Variants in EVA1C observed in about 807,000 individuals in gnomAD.
The protein encoded by EVA1C is eva-1 homolog C.
A neutral mutation model predicts 45.4 loss-of-function variants in EVA1C; 25 were observed. The observed-to-expected ratio is 0.55, with a 90% CI of 0.40 to 0.77. EVA1C has a LOEUF of 0.77. EVA1C is among the 30% of genes least tolerant of loss of function. The pLI is 0.00. For synonymous variants in EVA1C, 190 were observed against 221.2 expected (o/e 0.86, Z 1.25); for missense variants, 479 against 554.8 (o/e 0.86, Z 1.37).
intron 4 of EVA1C, among the ~76,000 whole-genome samples, chr21:32,477,731 C>G (rs1373804027): frequency 1.2e-5 from 1 of 81,088 alleles, no homozygotes; most frequent in East Asian, 4.3e-4. Flanking sequence ...CTCCCCCGTA[C>G]GCCCTCCCCT....
At chr21:32,500,359 C>T (rs2146427831) in intron 5 of EVA1C, among the ~76,000 whole-genome samples, 1 of 152,022 alleles carries the variant, frequency 6.6e-6, no homozygotes, top group East Asian at 1.9e-4. Context: ...CCATGTTGGC[C>T]AGCCTGATCT....
chr21:32,459,758 T>C (rs1311955891), intron 3 of EVA1C, among the ~76,000 whole-genome samples: 1 of 151,430 alleles, frequency 6.6e-6, no homozygotes, highest in Non-Finnish European at 1.5e-5. Context: ...GGAGAATCGT[T>C]TGAACCCAGG....
At position 32,452,102 on chromosome 21, in the gene EVA1C, G is replaced by A. The variant is rs1164698014; in HGVS notation, c.161-1210G>A. 2 of 152,222 alleles carry A rather than the reference G, an allele frequency of 1.3e-5. No homozygotes were observed. Among genetic ancestry groups the A allele is most frequent in the Admixed American group, 6.5e-5 (1 of 15,282 alleles). The allele number at this position is 152,222 out of a possible 1,614,324, so 9.4% of individuals were successfully genotyped here. The stretch of plus-strand genomic sequence containing the variant: ...GCATCCTCTCATTCCAATAAGGCAT[G>A]GCCTCACTAGTGGGAGATGAGCAAA... On this transcript the variant is annotated intron_variant, in intron 1 of 7. Coordinates refer to ENST00000300255, the MANE Select transcript of EVA1C (RefSeq NM_058187.5). This position sits in a 1 kb window ranked among gnomAD's most constrained non-coding sequence, Gnocchi z 4.0.
In EVA1C at chr21:32,474,155, C is replaced by T. The variant is rs1601362486; in HGVS notation, c.634+6307C>T. 1.3e-5 allele frequency: 2 copies of T among 159,392 alleles called. No individual in the cohort carries two copies. Among genetic ancestry groups the T allele is most frequent in the African/African-American group, 4.8e-5 (2 of 41,518 alleles). 9.9% of individuals were successfully genotyped at this position (159,392 alleles called of 1,614,324 possible). On this transcript the variant is annotated intron_variant, in intron 4 of 7. Coordinates refer to ENST00000300255, the MANE Select transcript of EVA1C (RefSeq NM_058187.5). The surrounding 1 kb of genome is among the most constrained non-coding windows in gnomAD (Gnocchi z 4.4). ...TCTTCAACTCCTGGCCTCAAGTGATCCTCCCGCCTCAGCCTCCTAAAGTGC... is the reference window on the plus strand; with the variant it reads ...TCTTCAACTCCTGGCCTCAAGTGATTCTCCCGCCTCAGCCTCCTAAAGTGC...
At chr21:32,438,682 A>G (rs1050429641) in intron 1 of EVA1C, among the ~76,000 whole-genome samples, 4 of 152,118 alleles carry the variant, frequency 2.6e-5, no homozygotes, top group African/African-American at 4.8e-5. Context: ...GGTTATAAAT[A>G]AACATTATCA....
At chr21:32,439,239 C>A (rs866368988) in intron 1 of EVA1C, among the ~76,000 whole-genome samples, 44 of 110,756 alleles carry the variant, frequency 4.0e-4, no homozygotes, top group African/African-American at 8.6e-4. Flanking sequence ...GACTACATCT[C>A]AAAAAAAAAG....
At position 32,501,269 on chromosome 21, in the gene EVA1C, T is replaced by C. The variant is rs561559756; in HGVS notation, c.779-146T>C. On this transcript the variant is annotated intron_variant, in intron 5 of 7. Transcript: ENST00000300255. Reference sequence around the variant, plus strand: ...TACCATGGGTTTGTGTGTATATGTGTGTATTTAACAGGAAGAGTGAGTGAT... The same window carrying C: ...TACCATGGGTTTGTGTGTATATGTGCGTATTTAACAGGAAGAGTGAGTGAT... 4.9e-5 allele frequency: 33 copies of C among 680,300 alleles called. No individual in the cohort carries two copies. In the African/African-American group the frequency reaches 5.6e-4, roughly 12 times the overall value. 42.1% of individuals were successfully genotyped at this position (680,300 alleles called of 1,614,324 possible).
intron 1 of EVA1C, among the ~76,000 whole-genome samples, chr21:32,428,918 C>T (rs2034590002): frequency 6.6e-6 from 1 of 152,226 alleles, no homozygotes; most frequent in African/African-American, 2.4e-5. Flanking sequence ...GCTGGAATTA[C>T]AGAAGCCTGA....
intron 1 of EVA1C, among the ~76,000 whole-genome samples, chr21:32,414,563 T>G (rs1052742170): frequency 6.6e-6 from 1 of 152,222 alleles, no homozygotes; most frequent in African/African-American, 2.4e-5. Context: ...AGGGAAGCAG[T>G]TGCAATACTT....
chr21:32,428,629 G>C (rs2034579195), intron 1 of EVA1C: 1 of 152,164 alleles, frequency 6.6e-6, no homozygotes, highest in Admixed American at 6.5e-5. Flanking sequence ...TCTTTGATGA[G>C]AGTCTACTCT....
intron 4 of EVA1C, among the ~76,000 whole-genome samples, chr21:32,480,323 G>T (rs527397790): frequency 8.3e-5 from 7 of 84,568 alleles, no homozygotes; most frequent in Non-Finnish European, 1.4e-4. Flanking sequence ...AAAAGGTACC[G>T]AGTTGGTACA....
chr21:32,495,139 GA>G lies in EVA1C; in HGVS notation c.753del (p.Lys251AsnfsTer5), dbSNP rs749067113. The G allele has an allele frequency of 6.2e-7, 1 of 1,614,042 alleles. No individual in the cohort carries two copies. Among genetic ancestry groups the G allele is most frequent in the South Asian group, 1.1e-5 (1 of 91,066 alleles). Reference sequence around the variant, plus strand: ...TTGGAAGCCCCTGTTTGCCAGGCGTGAAAAAATACCTCACTGTGACCTACGC... The same window carrying G: ...TTGGAAGCCCCTGTTTGCCAGGCGTGAAAAATACCTCACTGTGACCTACGC... ...HFGSPCLPGV[K>X]KYLTVTYACV... is the part of the protein sequence containing the mutation. On this transcript the variant is annotated frameshift_variant, in exon 5 of 8. Coordinates refer to ENST00000300255, the MANE Select transcript of EVA1C (RefSeq NM_058187.5). LOFTEE classifies it high-confidence loss of function.
intron 7 of EVA1C, among the ~76,000 whole-genome samples, chr21:32,513,343 GT>G (rs1178101131): frequency 1.8e-4 from 26 of 143,998 alleles, no homozygotes; most frequent in Admixed American, 4.2e-4. Context: ...CACCCGGCTA[GT>G]TTTTTTTTTG....
intron 4 of EVA1C, among the ~76,000 whole-genome samples, chr21:32,481,506 C>T (rs796559354): frequency 4.5e-5 from 4 of 89,876 alleles, no homozygotes; most frequent in Non-Finnish European, 6.6e-5. Context: ...CGTGCAGCCA[C>T]AAGAAAAAAA....
intron 1 of EVA1C, among the ~76,000 whole-genome samples, chr21:32,438,150 A>G (rs893838388): frequency 2.6e-5 from 4 of 152,196 alleles, no homozygotes; most frequent in African/African-American, 7.2e-5. Flanking sequence ...GCATTCATGC[A>G]GGGTCCTAGT....
chr21:32,505,636 C>T (rs1436380820), intron 7 of EVA1C, among the ~76,000 whole-genome samples: 3 of 152,196 alleles, frequency 2.0e-5, no homozygotes, highest in Non-Finnish European at 4.4e-5. Context: ...GATTTTCTCA[C>T]CGTTCTGGAG....
intron 5 of EVA1C, among the ~76,000 whole-genome samples, chr21:32,501,187 T>A (rs1344922748): frequency 3.3e-5 from 5 of 152,126 alleles, no homozygotes; most frequent in Non-Finnish European, 7.3e-5. Flanking sequence ...CCATTTTTTT[T>A]AATATTGCAA....
chr21:32,482,699 C>A (rs2036829583), intron 4 of EVA1C, among the ~76,000 whole-genome samples: 1 of 152,166 alleles, frequency 6.6e-6, no homozygotes, highest in East Asian at 1.9e-4. Flanking sequence ...CAGGCACAAA[C>A]AATGAACACA....
intron 4 of EVA1C, among the ~76,000 whole-genome samples, chr21:32,489,166 A>G (rs2037073409): frequency 1.3e-5 from 2 of 152,238 alleles, no homozygotes; most frequent in African/African-American, 4.8e-5. Flanking sequence ...AATCATTGCC[A>G]AGACCAAGGT....
Sources: allele counts gnomAD v4.1 joint callset (sites outside exome capture counted in the v4.1 genomes callset), GRCh38; gene constraint gnomAD v4.1.1; non-coding constraint Gnocchi (gnomAD v3.1); transcripts MANE v1.5; gene names NCBI Gene and HGNC (gene_info 2026-07-23, HGNC 2026-07-21).